TPST2: variants seen among roughly 807,000 people sequenced by gnomAD.
TPST2 encodes tyrosylprotein sulfotransferase 2.
Under a neutral mutation model 27.8 loss-of-function variants are expected in TPST2, and 16 were observed. The ratio of observed to expected loss-of-function variants is 0.58; its 90% CI spans 0.39 to 0.88. The LOEUF (loss-of-function observed/expected upper bound fraction) is 0.88. TPST2 is among the 40% of genes least tolerant of loss of function. The pLI is 0.00. For missense variants in TPST2, 464 were observed against 543.1 expected (o/e 0.85, Z 1.45); for synonymous variants, 229 against 231.7 (o/e 0.99, Z 0.10).
At chr22:26,577,495 G>A (rs980654828) in intron 1 of TPST2, among the ~76,000 whole-genome samples, 1 of 151,440 alleles carries the variant, frequency 6.6e-6, no homozygotes, top group Non-Finnish European at 1.5e-5. Flanking sequence ...CTACAAGTGT[G>A]TGCCACCATG....
intron 6 of TPST2, among the ~76,000 whole-genome samples, chr22:26,527,084 CA>C (rs1164766423): frequency 6.6e-6 from 1 of 152,070 alleles, no homozygotes; most frequent in Admixed American, 6.6e-5. Context: ...GTCTCAAAAA[CA>C]AAAACTCTGG....
At chr22:26,545,573 GC>G (rs1293452200) in intron 1 of TPST2, among the ~76,000 whole-genome samples, 1 of 152,132 alleles carries the variant, frequency 6.6e-6, no homozygotes, top group Non-Finnish European at 1.5e-5. Context: ...GACAACTGAG[GC>G]CCACAAGGAA....
intron 6 of TPST2, among the ~76,000 whole-genome samples, chr22:26,526,861 T>C (rs1391803058): frequency 6.6e-6 from 1 of 152,140 alleles, no homozygotes; most frequent in Non-Finnish European, 1.5e-5. Flanking sequence ...GCAGATCACT[T>C]GAGGCCAGGA....
At chr22:26,568,913 G>C (rs5752347) in intron 1 of TPST2, among the ~76,000 whole-genome samples, 1 of 146,254 alleles carries the variant, frequency 6.8e-6, no homozygotes, top group Non-Finnish European at 1.5e-5. Context: ...TCCCAGGCTG[G>C]AGTGCAGTGG....
At chr22:26,531,054 T>C (rs1053954308) in intron 5 of TPST2, among the ~76,000 whole-genome samples, 2 of 152,134 alleles carry the variant, frequency 1.3e-5, no homozygotes, top group East Asian at 1.9e-4. Flanking sequence ...GGCCAGTTTA[T>C]ACTTCCTGCC....
chr22:26,589,918 G>A (rs972455853), intron 1 of TPST2, 135 bp downstream of exon 1: 1 of 152,026 alleles, frequency 6.6e-6, no homozygotes, highest in African/African-American at 2.4e-5. Flanking sequence ...CCCGGAGCCC[G>A]AGCAGTCGCG....
chr22:26,584,611 G>A (rs1323141028), intron 1 of TPST2, among the ~76,000 whole-genome samples: 1 of 151,970 alleles, frequency 6.6e-6, no homozygotes, highest in South Asian at 2.1e-4. Context: ...GTTATAGTGA[G>A]CTATGATTGT....
At chr22:26,565,663 T>C (rs1927343915) in intron 1 of TPST2, 1 of 152,196 alleles carries the variant, frequency 6.6e-6, no homozygotes, top group Non-Finnish European at 1.5e-5. Flanking sequence ...CGCCACCCAA[T>C]AGAAATGCAG....
chr22:26,563,575 CGCCTCG>C (rs1569191242), intron 1 of TPST2, among the ~76,000 whole-genome samples: 1 of 151,884 alleles, frequency 6.6e-6, no homozygotes, highest in African/African-American at 2.4e-5. Context: ...GTGATCCACC[CGCCTCG>C]GCCTCCTAAA....
chr22:26,564,383 G>C (rs2283833), intron 1 of TPST2, among the ~76,000 whole-genome samples: 34,235 of 152,198 alleles, frequency 0.22, 4,185 homozygotes, highest in South Asian at 0.35. Flanking sequence ...CAAGGCTGCT[G>C]CTATGCCCCT....
At chr22:26,560,837 GT>G (rs1927049162) in intron 1 of TPST2, 1 of 1,570,824 alleles carries the variant, frequency 6.4e-7, no homozygotes, top group Non-Finnish European at 8.8e-7. Context: ...CCTTCTTCCT[GT>G]TCTGCTCTGC....
At chr22:26,556,995 G>A (rs1926837574) in intron 1 of TPST2, among the ~76,000 whole-genome samples, 1 of 152,260 alleles carries the variant, frequency 6.6e-6, no homozygotes, top group South Asian at 2.1e-4. Flanking sequence ...GAGGCAGGAA[G>A]ACAGCTTGAG....
chr22:26,522,164 C>T lies in TPST2; in HGVS notation c.*4111G>A, dbSNP rs1398724601. On this transcript the variant is annotated 3_prime_UTR_variant, in exon 7 of 7. Transcript: ENST00000338754. ...CTCTTAACCATCCCCTGAGATCCCC[C>T]TATAGTTCTTATCCCTTTACCCCCA... The T allele has an allele frequency of 6.6e-6, 1 of 152,162 alleles. No homozygotes were observed. Among genetic ancestry groups the T allele is most frequent in the African/African-American group, 2.4e-5 (1 of 41,416 alleles). 9.4% of individuals were successfully genotyped at this position (152,162 alleles called of 1,614,324 possible).
At chr22:26,528,061 C>G (rs1204538940) in intron 6 of TPST2, among the ~76,000 whole-genome samples, 153 bp downstream of exon 6, 1 of 152,186 alleles carries the variant, frequency 6.6e-6, no homozygotes, top group Admixed American at 6.5e-5. Flanking sequence ...AGTCTGTCAC[C>G]ATGGAAACCT....
At position 26,541,777 on chromosome 22, in the gene TPST2, T is replaced by A; in HGVS notation, c.-88-59A>T. On this transcript the variant is annotated intron_variant, in intron 2 of 6. Transcript: ENST00000338754. The surrounding 1 kb of genome is among the most constrained non-coding windows in gnomAD (Gnocchi z 5.9). ...GGTCTGTGAGCTGTGAGCTCTCCAA[T>A]AACTGCAAAGCCCTATAACTGCAAA... The A allele has an allele frequency of 7.1e-7, 1 of 1,400,058 alleles. No homozygotes were observed. Among genetic ancestry groups the A allele is most frequent in the Non-Finnish European group, 9.3e-7 (1 of 1,070,374 alleles). 86.7% of individuals were successfully genotyped at this position (1,400,058 alleles called of 1,614,324 possible).
At chr22:26,543,919 G>C (rs564455011) in intron 2 of TPST2, among the ~76,000 whole-genome samples, 6 of 152,306 alleles carry the variant, frequency 3.9e-5, no homozygotes, top group African/African-American at 1.4e-4. Flanking sequence ...CCCAGAGCTA[G>C]GGACCCCACT....
In TPST2 at chr22:26,570,717, C is replaced by CCAGCATACCCCACCTGCAGCTGGTAGCAG. The variant is rs11271871; in HGVS notation, c.-161+19307_-161+19335dup. On this transcript the variant is annotated intron_variant, in intron 1 of 6. Transcript: ENST00000338754. ...CTGGGTGTTGAGCCTGGTCCTTTCC[C>CCAGCATACCCCACCTGCAGCTGGTAGCAG]CAGCATACCCCACCTGCAGCTGGTA... Among the ~76,000 whole-genome samples the CCAGCATACCCCACCTGCAGCTGGTAGCAG allele has an allele frequency of 3.9e-3, 581 of 150,722 alleles. 2 individuals are homozygous for CCAGCATACCCCACCTGCAGCTGGTAGCAG. The highest frequency in any genetic ancestry group is 0.013 in the African/African-American group (546 of 40,970).
chr22:26,531,217 A>G (rs1925142750), intron 5 of TPST2, among the ~76,000 whole-genome samples: 3 of 152,058 alleles, frequency 2.0e-5, no homozygotes, highest in Admixed American at 6.6e-5. Flanking sequence ...TCATCTCCCT[A>G]CTGTCCTCCA....
chr22:26,557,850 C>A (rs1191862731), intron 1 of TPST2, among the ~76,000 whole-genome samples: 3 of 149,828 alleles, frequency 2.0e-5, no homozygotes, highest in Non-Finnish European at 4.4e-5. Flanking sequence ...AGTTCAAGAC[C>A]AGCCTGGGCA....
Sources: gnomAD v4.1 joint callset for allele counts (sites outside exome capture counted in the v4.1 genomes callset) on GRCh38, gnomAD v4.1.1 for gene constraint, Gnocchi (gnomAD v3.1) non-coding constraint, MANE v1.5 for transcripts, NCBI Gene and HGNC (gene_info 2026-07-23, HGNC 2026-07-21) for gene names.